The following SH3BGRL2 variants were observed in gnomAD, a reference collection of about 807,000 sequenced individuals.
SH3BGRL2 encodes the protein SH3 domain binding glutamate rich protein like 2.
A neutral mutation model predicts 14.8 loss-of-function variants in SH3BGRL2; 21 were observed. The observed-to-expected ratio is 1.42, with a 90% CI of 1.01 to 2.05. The LOEUF (loss-of-function observed/expected upper bound fraction) is 2.05, where lower values mean the gene tolerates loss of function less well. Ranked by LOEUF, SH3BGRL2 falls within the 30% of genes most tolerant of loss-of-function variation. The pLI is 0.00. For missense variants in SH3BGRL2, 147 were observed against 130.8 expected, an observed-to-expected ratio of 1.12 and a Z score of -0.61; for synonymous variants, 50 against 47.8, an observed-to-expected ratio of 1.05 and a Z score of -0.19.
chr6:79,638,489 G>A (rs1293644780), intron 1 of SH3BGRL2, among the ~76,000 whole-genome samples: 1 of 152,054 alleles, frequency 6.6e-6, no homozygotes, highest in African/African-American at 2.4e-5. Context: ...TGGATCAAAT[G>A]GTAGTTCCAT....
chr6:79,602,162 G>A, the SH3BGRL2 span, among the ~76,000 whole-genome samples: 1 of 152,156 alleles, frequency 6.6e-6, no homozygotes, highest in Non-Finnish European at 1.5e-5. Flanking sequence ...CTTACAATGA[G>A]CCAAATTGTG....
chr6:79,664,771 G>C (rs2127730598), intron 1 of SH3BGRL2, among the ~76,000 whole-genome samples: 1 of 152,306 alleles, frequency 6.6e-6, no homozygotes, highest in African/African-American at 2.4e-5. Flanking sequence ...TGGAAAGACG[G>C]AAAGATGTTA....
the SH3BGRL2 span, among the ~76,000 whole-genome samples, chr6:79,546,504 G>GT: frequency 1.3e-5 from 2 of 152,082 alleles, no homozygotes; most frequent in Non-Finnish European, 1.5e-5. Context: ...TTACTTCACC[G>GT]TAAGAGAGGT....
intron 2 of SH3BGRL2, among the ~76,000 whole-genome samples, chr6:79,676,469 CT>C (rs1001424300): frequency 1.3e-5 from 2 of 152,180 alleles, no homozygotes; most frequent in East Asian, 3.9e-4. Flanking sequence ...TTGCTTCTTG[CT>C]GATAGTGCTC....
At chr6:79,542,305 T>G in the SH3BGRL2 span, among the ~76,000 whole-genome samples, 4 of 151,934 alleles carry the variant, frequency 2.6e-5, no homozygotes, top group South Asian at 6.3e-4. Flanking sequence ...TTCACTCTTG[T>G]TGCCCAGGCT....
At chr6:79,650,196 G>A (rs1406462317) in intron 1 of SH3BGRL2, among the ~76,000 whole-genome samples, 2 of 152,106 alleles carry the variant, frequency 1.3e-5, no homozygotes, top group Non-Finnish European at 2.9e-5. Context: ...TCTGAGGGAA[G>A]GGCAAGTGCC....
chr6:79,589,869 T>C, the SH3BGRL2 span, among the ~76,000 whole-genome samples: 1 of 152,182 alleles, frequency 6.6e-6, no homozygotes, highest in Non-Finnish European at 1.5e-5. Context: ...CCTCCTGGGC[T>C]CAAGTGATCT....
the SH3BGRL2 span, among the ~76,000 whole-genome samples, chr6:79,587,521 G>T: frequency 2.0e-5 from 3 of 152,204 alleles, no homozygotes; most frequent in African/African-American, 7.2e-5. Context: ...TAATGCATAT[G>T]TTAATTTCAA....
chr6:79,667,231 G>T (rs1025893470), intron 1 of SH3BGRL2, among the ~76,000 whole-genome samples: 1 of 152,160 alleles, frequency 6.6e-6, no homozygotes, highest in Non-Finnish European at 1.5e-5. Flanking sequence ...GTACAAAAAC[G>T]GGAATAATCT....
chr6:79,546,164 A>G, the SH3BGRL2 span, among the ~76,000 whole-genome samples: 2 of 152,164 alleles, frequency 1.3e-5, no homozygotes, highest in Admixed American at 1.3e-4. Flanking sequence ...AGCCAGGTAG[A>G]CCCTAACATT....
At chr6:79,578,194 T>C in the SH3BGRL2 span, among the ~76,000 whole-genome samples, 3 of 152,242 alleles carry the variant, frequency 2.0e-5, no homozygotes, top group Non-Finnish European at 2.9e-5. Flanking sequence ...GGGCAGGGCA[T>C]AGCTGAACAA....
At chr6:79,557,380 T>C in the SH3BGRL2 span, among the ~76,000 whole-genome samples, 1 of 152,012 alleles carries the variant, frequency 6.6e-6, no homozygotes, top group Non-Finnish European at 1.5e-5. Context: ...TTCATGATAA[T>C]TTGAGTAGCT....
At position 79,691,060 on chromosome 6, in the gene SH3BGRL2, T is replaced by C. The variant is rs372370997; in HGVS notation, c.232-5425T>C. ...GTCCCAGCTACTCGGGAGGCTGAGA[T>C]GGGAGGATCACCTGAGCCCAGGAGG... On this transcript the variant is annotated intron_variant, in intron 2 of 3. Coordinates refer to ENST00000369838, the MANE Select transcript of SH3BGRL2 (RefSeq NM_031469.4). Among the ~76,000 whole-genome samples, 5 of 152,184 alleles carry C rather than the reference T, an allele frequency of 3.3e-5. No homozygotes were observed. The East Asian group carries it at 9.7e-4, about 29-fold the overall frequency.
At chr6:79,551,884 GTT>G in the SH3BGRL2 span, among the ~76,000 whole-genome samples, 1 of 152,310 alleles carries the variant, frequency 6.6e-6, no homozygotes, top group African/African-American at 2.4e-5. Context: ...GAGGTCAGGA[GTT>G]TGAGACCAGC....
intron 1 of SH3BGRL2, among the ~76,000 whole-genome samples, chr6:79,663,395 A>C (rs1285952754): frequency 2.0e-5 from 3 of 152,202 alleles, no homozygotes; most frequent in Non-Finnish European, 4.4e-5. Context: ...TCCTTCTGAC[A>C]GTCAGTTTCC....
the SH3BGRL2 span, among the ~76,000 whole-genome samples, chr6:79,616,970 C>G: frequency 6.6e-6 from 1 of 152,154 alleles, no homozygotes; most frequent in Non-Finnish European, 1.5e-5. Flanking sequence ...GGCAGATCAC[C>G]TGAGGTCGGG....
At chr6:79,637,889 G>A (rs572877962) in intron 1 of SH3BGRL2, among the ~76,000 whole-genome samples, 1 of 111,704 alleles carries the variant, frequency 9.0e-6, no homozygotes, top group Admixed American at 9.0e-5. Flanking sequence ...ATTAAGATAA[G>A]CTTTAAATTC....
In SH3BGRL2 at chr6:79,701,930, T is replaced by A. The variant is rs1238386577; in HGVS notation, c.*2421T>A. 2 of 152,636 alleles carry A rather than the reference T, an allele frequency of 1.3e-5. No homozygotes were observed. The highest frequency in any genetic ancestry group is 4.8e-5 in the African/African-American group (2 of 41,458). 9.5% of individuals were successfully genotyped at this position (152,636 alleles called of 1,614,324 possible). A position where few individuals can be genotyped will look rare whatever the true frequency, so the allele number is the denominator to read the frequency against. On this transcript the variant is annotated 3_prime_UTR_variant, in exon 4 of 4. Transcript: ENST00000369838. ...GGGAATTGTAGGCATAGATTTCATA[T>A]CAAGGGCATTTCAAGACAGAATTTT...
At chr6:79,632,610 T>A (rs1768846666) in intron 1 of SH3BGRL2, among the ~76,000 whole-genome samples, 1 of 152,158 alleles carries the variant, frequency 6.6e-6, no homozygotes, top group South Asian at 2.1e-4. Flanking sequence ...ACCACTGAAG[T>A]TTTTTATTTA....
Sources: gnomAD v4.1 joint callset for allele counts (sites outside exome capture counted in the v4.1 genomes callset) on GRCh38, gnomAD v4.1.1 for gene constraint, MANE v1.5 for transcripts, NCBI Gene and HGNC (gene_info 2026-07-23, HGNC 2026-07-21) for gene names.